Variants in AMDHD2 observed in about 807,000 individuals in gnomAD.
AMDHD2 encodes N-acetylglucosamine-6-phosphate deacetylase.
Under a neutral mutation model 41.8 loss-of-function variants are expected in AMDHD2, and 24 were observed. That is an observed-to-expected ratio of 0.57 (90% CI 0.42 to 0.81). The LOEUF is 0.81. AMDHD2 is among the 30% of genes least tolerant of loss of function. The pLI is 0.00. For synonymous variants in AMDHD2, 332 were observed against 255.5 expected, an observed-to-expected ratio of 1.30 and a Z score of -2.85; for missense variants, 540 against 588.5, an observed-to-expected ratio of 0.92 and a Z score of 0.85.
chr16:2,528,778 C>G, intron 9 of AMDHD2, 60 bp downstream of exon 9: 3 of 1,596,074 alleles, frequency 1.9e-6, no homozygotes, highest in Non-Finnish European at 2.6e-6. Context: ...CCCCAAGGGG[C>G]TGGACCGGGT....
intron 3 of AMDHD2, among the ~76,000 whole-genome samples, chr16:2,525,532 AATTTATTTATTTTT>A (rs1249888399): frequency 1.3e-5 from 2 of 151,196 alleles, no homozygotes; most frequent in Non-Finnish European, 1.5e-5. Context: ...ATGCCTGGCT[AATTTATTTATTTTT>A]ATTTATTTAT....
At chr16:2,520,563 C>T in intron 1 of AMDHD2, 22 bp downstream of exon 1, 1 of 1,059,610 alleles carries the variant, frequency 9.4e-7, no homozygotes, top group Non-Finnish European at 1.1e-6. Context: ...CCGGGGACTG[C>T]GGGGCTGGGG....
chr16:2,528,880 G>A, intron 9 of AMDHD2, 114 bp from the exon 10 acceptor site: 2 of 1,468,536 alleles, frequency 1.4e-6, no homozygotes, highest in Non-Finnish European at 1.8e-6. Flanking sequence ...GACCAGCAGG[G>A]TCCTTGTTAG....
chr16:2,524,609 A>T (rs1363786015), intron 3 of AMDHD2, among the ~76,000 whole-genome samples: 1 of 151,998 alleles, frequency 6.6e-6, no homozygotes, highest in African/African-American at 2.4e-5. Flanking sequence ...TTTAATCTTT[A>T]GTGAGCCTGT....
chr16:2,525,366 CT>C (rs34643272), intron 3 of AMDHD2, among the ~76,000 whole-genome samples: 2,092 of 127,246 alleles, frequency 0.016, 37 homozygotes, highest in African/African-American at 0.055. Flanking sequence ...CCAAATGTTG[CT>C]TTTTTTTTTT....
Position 2,528,164 on chromosome 16 carries a change from C to A in AMDHD2, c.717+16C>A. 1 of 1,612,770 alleles carries A rather than the reference C, an allele frequency of 6.2e-7. No homozygotes were observed. Among genetic ancestry groups the A allele is most frequent in the Non-Finnish European group, 8.5e-7 (1 of 1,179,854 alleles). On this transcript the variant is annotated intron_variant, in intron 6 of 10. Transcript: ENST00000293971. ...CATGCTGCCTGTGAGTGCTATGGGG[C>A]CCCAGGGGCGGGGCTGGGGTCCCAG... is the stretch of plus-strand genomic sequence containing the variant.
intron 9 of AMDHD2, 44 bp downstream of exon 9, chr16:2,528,762 G>A: frequency 6.2e-7 from 1 of 1,605,004 alleles, no homozygotes. Flanking sequence ...TCTGTGAGTG[G>A]TGGGTCCCCA....
intron 10 of AMDHD2, 51 bp downstream of exon 10, chr16:2,529,146 C>T: frequency 2.0e-6 from 3 of 1,466,048 alleles, no homozygotes; most frequent in Non-Finnish European, 2.7e-6. Context: ...CCTGTAGACT[C>T]TGTTGTTCCT....
Position 2,529,754 on chromosome 16 carries a change from C to G in AMDHD2, c.*191C>G. 2 of 1,440,592 alleles carry G rather than the reference C, an allele frequency of 1.4e-6. No individual in the cohort carries two copies. The highest frequency in any genetic ancestry group is 1.5e-5 in the South Asian group (1 of 68,838). 89.2% of individuals were successfully genotyped at this position (1,440,592 alleles called of 1,614,324 possible). A position where few individuals can be genotyped will look rare whatever the true frequency, so the allele number is the denominator to read the frequency against. ...GGACTCGCCTTGGCTCCGGGTTTTGCTTGTGCTCACATGTGGCACCATCCT... is the reference window on the plus strand; with the variant it reads ...GGACTCGCCTTGGCTCCGGGTTTTGGTTGTGCTCACATGTGGCACCATCCT... On this transcript the variant is annotated 3_prime_UTR_variant, in exon 11 of 11. Coordinates refer to ENST00000293971, the MANE Select transcript of AMDHD2 (RefSeq NM_001330449.2).
chr16:2,524,534 T>A (rs1233368439), intron 3 of AMDHD2, among the ~76,000 whole-genome samples: 1 of 152,236 alleles, frequency 6.6e-6, no homozygotes, highest in African/African-American at 2.4e-5. Context: ...GCCCTCTTGC[T>A]CCCTTCTAAA....
In AMDHD2 at chr16:2,528,307, C is replaced by T. The variant is rs140498435; in HGVS notation, c.789C>T (p.Phe263=). The stretch of plus-strand genomic sequence containing the variant: ...GGCTGCCCGCAGGCCGCTGCATCTT[C>T]TATGGGATGATTGCAGATGGCACGC... ...SDRLPAGRCI[F]YGMIADGTHT... is the part of the protein sequence containing the mutation. The change falls in exon 7 of 11, where the codon TTC becomes TTT. Residue 263 remains phenylalanine (F), a synonymous_variant. Transcript: ENST00000293971. 22 of 1,612,744 alleles carry T rather than the reference C, an allele frequency of 1.4e-5. No individual in the cohort carries two copies. In the African/African-American group the frequency reaches 2.5e-4, roughly 19 times the overall value.
chr16:2,524,250 T>C (rs1365509254), intron 3 of AMDHD2, among the ~76,000 whole-genome samples: 1 of 152,254 alleles, frequency 6.6e-6, no homozygotes, highest in Non-Finnish European at 1.5e-5. Context: ...TCTTTTGTTG[T>C]CCTGTTCTGG....
At chr16:2,522,831 C>T (rs1037815746) in intron 3 of AMDHD2, among the ~76,000 whole-genome samples, 4 of 151,214 alleles carry the variant, frequency 2.6e-5, no homozygotes, top group African/African-American at 4.9e-5. Context: ...CCTGTTTATT[C>T]CTTAGTACTT....
chr16:2,523,345 TTGGTGTG>T (rs2065965992), intron 3 of AMDHD2, among the ~76,000 whole-genome samples: 2 of 152,108 alleles, frequency 1.3e-5, no homozygotes, highest in African/African-American at 4.8e-5. Flanking sequence ...GGTCCCTCTC[TTGGTGTG>T]TGGGCAGAGC....
chr16:2,523,912 G>A (rs2065972010), intron 3 of AMDHD2, among the ~76,000 whole-genome samples: 1 of 152,178 alleles, frequency 6.6e-6, no homozygotes, highest in Non-Finnish European at 1.5e-5. Flanking sequence ...TCCCCACTGT[G>A]CCCCCCACTG....
chr16:2,529,046 G>A lies in AMDHD2; in HGVS notation c.1092G>A (p.Leu364=), dbSNP rs371888951. The A allele has an allele frequency of 1.5e-5, 24 of 1,599,772 alleles. No individual in the cohort carries two copies. The highest frequency in any genetic ancestry group is 1.7e-5 in the Non-Finnish European group (20 of 1,173,944). ...CTGCATCCCTGCACCCCGCCCAGTT[G>A]CTGGGGCTGGAGAAGAGTAAGGGGA... ...LEAASLHPAQ[L]LGLEKSKGTL... The change falls in exon 10 of 11, where the codon TTG becomes TTA. Residue 364 remains leucine (L), a synonymous_variant. Coordinates refer to ENST00000293971, the MANE Select transcript of AMDHD2 (RefSeq NM_001330449.2).
chr16:2,521,852 T>C (rs2065943476), intron 3 of AMDHD2, among the ~76,000 whole-genome samples: 3 of 151,034 alleles, frequency 2.0e-5, no homozygotes, highest in South Asian at 4.2e-4. Context: ...GGCACAATCT[T>C]GGCTCACTGC....
At position 2,531,210 on chromosome 16, in the gene AMDHD2, T is replaced by C. The variant is rs1304641828; in HGVS notation, c.*1647T>C. On this transcript the variant is annotated 3_prime_UTR_variant, in exon 11 of 11. Coordinates refer to ENST00000293971, the MANE Select transcript of AMDHD2 (RefSeq NM_001330449.2). ...CCGGCCAGCGCCCCACCTCCCTGGCTGGAGGGTCGGGGAGGGGCTGGCAGA... is the reference window on the plus strand; with the variant it reads ...CCGGCCAGCGCCCCACCTCCCTGGCCGGAGGGTCGGGGAGGGGCTGGCAGA... The C allele has an allele frequency of 8.4e-7, 1 of 1,192,554 alleles. No homozygotes were observed. Among genetic ancestry groups the C allele is most frequent in the East Asian group, 2.5e-5 (1 of 39,468 alleles). 73.9% of individuals were successfully genotyped at this position (1,192,554 alleles called of 1,614,324 possible).
intron 10 of AMDHD2, 139 bp from the exon 11 acceptor site, chr16:2,529,336 G>GTGATGGGTCAGGGTGTCT: frequency 7.3e-7 from 1 of 1,367,522 alleles, no homozygotes; most frequent in Admixed American, 1.8e-5. Flanking sequence ...CTGTCCATCT[G>GTGATGGGTCAGGGTGTCT]TGATGGGTCA....
Sources: gnomAD v4.1 joint callset for allele counts (sites outside exome capture counted in the v4.1 genomes callset) on GRCh38, gnomAD v4.1.1 for gene constraint, MANE v1.5 for transcripts, NCBI Gene and HGNC (gene_info 2026-07-23, HGNC 2026-07-21) for gene names.